MEI4: variants seen among roughly 807,000 people sequenced by gnomAD.
MEI4 encodes meiotic double-stranded break formation protein 4, also known as meiosis-specific protein MEI4.
In MEI4, 27 loss-of-function variants were observed where a neutral mutation model predicts 31.4. The observed-to-expected ratio is 0.86, with a 90% CI of 0.63 to 1.19. The LOEUF (loss-of-function observed/expected upper bound fraction) is 1.19. MEI4 is among the 50% of genes most tolerant of loss of function. The pLI, the probability that MEI4 is intolerant of heterozygous loss-of-function variation, is 0.00. For missense variants in MEI4, 329 were observed against 398.9 expected (o/e 0.82, Z 1.49); for synonymous variants, 122 against 145.4 (o/e 0.84, Z 1.16).
At chr6:77,838,567 C>T (rs1297906112) in intron 4 of MEI4, among the ~76,000 whole-genome samples, 10 of 152,110 alleles carry the variant, frequency 6.6e-5, no homozygotes, top group Non-Finnish European at 1.5e-4. Context: ...ATCTATCATT[C>T]TCACTGATTA....
At position 77,926,496 on chromosome 6, in the gene MEI4, C is replaced by T. The variant is rs1045608484; in HGVS notation, c.*3150C>T. 3 of 151,764 alleles carry T rather than the reference C, an allele frequency of 2.0e-5. No homozygotes were observed. The highest frequency in any genetic ancestry group is 1.9e-4 in the East Asian group (1 of 5,158). The allele number at this position is 151,764 out of a possible 1,614,324, so 9.4% of individuals were successfully genotyped here. A position where few individuals can be genotyped will look rare whatever the true frequency, so the allele number is the denominator to read the frequency against. ...TGGTTTGTTCTTGGAAAAATATATA[C>T]GATTATCTCACAGGCCTTGTACTTT... On this transcript the variant is annotated 3_prime_UTR_variant, in exon 5 of 5. Transcript: ENST00000684080.
At chr6:77,740,094 A>T (rs1366179150) in intron 2 of MEI4, among the ~76,000 whole-genome samples, 3 of 152,154 alleles carry the variant, frequency 2.0e-5, no homozygotes, top group Admixed American at 1.3e-4. Flanking sequence ...TTCACTTTTT[A>T]TGTAACTGTA....
chr6:77,906,866 G>T (rs1220769661), intron 4 of MEI4, among the ~76,000 whole-genome samples: 2 of 152,132 alleles, frequency 1.3e-5, no homozygotes, highest in African/African-American at 2.4e-5. Flanking sequence ...CGCTGTAGAT[G>T]TAGCTCTCTA....
At chr6:77,668,482 C>T (rs1356421441) in intron 1 of MEI4, among the ~76,000 whole-genome samples, 1 of 152,062 alleles carries the variant, frequency 6.6e-6, no homozygotes, top group Non-Finnish European at 1.5e-5. Flanking sequence ...TCCTTAGTGT[C>T]CATGATATTC....
chr6:77,748,731 C>T (rs1767681237), intron 2 of MEI4, among the ~76,000 whole-genome samples: 4 of 152,188 alleles, frequency 2.6e-5, no homozygotes, highest in Admixed American at 2.0e-4. Context: ...CATGGTCAGG[C>T]TGCAAATTTT....
At chr6:77,834,314 TAATA>T (rs924832961) in intron 4 of MEI4, among the ~76,000 whole-genome samples, 3 of 144,192 alleles carry the variant, frequency 2.1e-5, no homozygotes, top group Non-Finnish European at 3.0e-5. Context: ...TCAAAATTTA[TAATA>T]AATCAAAAAT....
intron 2 of MEI4, among the ~76,000 whole-genome samples, chr6:77,698,905 C>T (rs1766129393): frequency 6.6e-6 from 1 of 152,148 alleles, no homozygotes; most frequent in African/African-American, 2.4e-5. Context: ...TCAGGTACAC[C>T]AATCAGACGT....
chr6:77,729,822 A>G (rs1027203097), intron 2 of MEI4, among the ~76,000 whole-genome samples: 1 of 152,216 alleles, frequency 6.6e-6, no homozygotes, highest in Non-Finnish European at 1.5e-5. Context: ...TTATGATAAT[A>G]TAAGTTAAGG....
chr6:77,791,518 C>G (rs1387878553), intron 3 of MEI4, among the ~76,000 whole-genome samples: 1 of 121,974 alleles, frequency 8.2e-6, no homozygotes. Flanking sequence ...ATATCACACT[C>G]TGGCGACTGT....
chr6:77,883,019 T>C (rs1771525006), intron 4 of MEI4, among the ~76,000 whole-genome samples: 1 of 152,138 alleles, frequency 6.6e-6, no homozygotes, highest in Non-Finnish European at 1.5e-5. Context: ...TTCCAGAAAA[T>C]AATTGCTTAT....
intron 3 of MEI4, among the ~76,000 whole-genome samples, chr6:77,818,262 G>T (rs895545827): frequency 1.3e-5 from 2 of 151,996 alleles, no homozygotes; most frequent in Admixed American, 1.3e-4. Context: ...TTTTGTTTTA[G>T]ATTATATCTG....
chr6:77,716,163 A>G (rs1766578171), intron 2 of MEI4, among the ~76,000 whole-genome samples: 1 of 152,230 alleles, frequency 6.6e-6, no homozygotes, highest in Non-Finnish European at 1.5e-5. Context: ...AAAGGCAGAA[A>G]ACAGATGGTT....
intron 2 of MEI4, among the ~76,000 whole-genome samples, chr6:77,699,211 A>T (rs1485472314): frequency 4.5e-5 from 5 of 110,624 alleles, no homozygotes; most frequent in Middle Eastern, 6.0e-3. Flanking sequence ...TTTTTTTGAG[A>T]CGGAGTCTCG....
intron 2 of MEI4, among the ~76,000 whole-genome samples, chr6:77,745,932 G>C (rs1412288588): frequency 6.6e-6 from 1 of 152,022 alleles, no homozygotes; most frequent in Non-Finnish European, 1.5e-5. Flanking sequence ...CGAGAACAAA[G>C]ACACAACATA....
chr6:77,734,614 A>T (rs1767125047), intron 2 of MEI4, among the ~76,000 whole-genome samples: 1 of 151,898 alleles, frequency 6.6e-6, no homozygotes, highest in Non-Finnish European at 1.5e-5. Flanking sequence ...GTGTCTTTTA[A>T]TTGGAGCATT....
intron 1 of MEI4, among the ~76,000 whole-genome samples, chr6:77,683,011 G>T (rs1768985932): frequency 6.6e-6 from 1 of 152,096 alleles, no homozygotes; most frequent in Admixed American, 6.6e-5. Flanking sequence ...TAAAATTTCG[G>T]TTGAAGTTAT....
chr6:77,765,488 C>G (rs977971397), intron 3 of MEI4, among the ~76,000 whole-genome samples: 6 of 151,416 alleles, frequency 4.0e-5, no homozygotes, highest in Non-Finnish European at 7.4e-5. Context: ...CATATGTATA[C>G]ATGTGCTGTG....
At chr6:77,895,191 A>G (rs928865130) in intron 4 of MEI4, among the ~76,000 whole-genome samples, 1 of 152,156 alleles carries the variant, frequency 6.6e-6, no homozygotes, top group African/African-American at 2.4e-5. Flanking sequence ...TATAGTCCTC[A>G]TGGATTCCAA....
At chr6:77,681,529 T>C (rs1368287881) in intron 1 of MEI4, among the ~76,000 whole-genome samples, 1 of 152,240 alleles carries the variant, frequency 6.6e-6, no homozygotes. Context: ...GGTTGTGCCA[T>C]GTGTACATGT....
Sources: allele counts gnomAD v4.1 joint callset (sites outside exome capture counted in the v4.1 genomes callset), GRCh38; gene constraint gnomAD v4.1.1; transcripts MANE v1.5; gene names NCBI Gene and HGNC (gene_info 2026-07-23, HGNC 2026-07-21).